GTF2H1: variants seen among roughly 807,000 people sequenced by gnomAD.
GTF2H1 encodes the protein general transcription factor IIH subunit 1, also known as BTF2 p62.
Under a neutral mutation model 71.2 loss-of-function variants are expected in GTF2H1, and 16 were observed. The observed-to-expected ratio is 0.22, with a 90% CI of 0.15 to 0.34. GTF2H1 has a LOEUF of 0.34. Ranked by LOEUF, GTF2H1 falls within the 10% of genes least tolerant of loss-of-function variation. GTF2H1 has a pLI of 1.00. For synonymous variants in GTF2H1, 215 were observed against 219.0 expected, an observed-to-expected ratio of 0.98 and a Z score of 0.16; for missense variants, 498 against 648.2, an observed-to-expected ratio of 0.77 and a Z score of 2.52.
chr11:18,345,203 A>T (rs77569056), intron 7 of GTF2H1, among the ~76,000 whole-genome samples: 59 of 152,212 alleles, frequency 3.9e-4, no homozygotes, highest in South Asian at 8.3e-4. Context: ...AAAAAAATAA[A>T]AATATAAATT....
chr11:18,357,283 CTAAATG>C (rs1865577786), intron 11 of GTF2H1, among the ~76,000 whole-genome samples: 1 of 152,118 alleles, frequency 6.6e-6, no homozygotes, highest in South Asian at 2.1e-4. Flanking sequence ...CAATTTTTTC[CTAAATG>C]TTGATGTTGA....
intron 1 of GTF2H1, among the ~76,000 whole-genome samples, chr11:18,332,436 CTCTT>C (rs1457444777): frequency 6.6e-6 from 1 of 152,188 alleles, no homozygotes; most frequent in Non-Finnish European, 1.5e-5. Flanking sequence ...AGGGACCAGA[CTCTT>C]TCTTAGGTAA....
intron 9 of GTF2H1, chr11:18,351,507 A>G (rs912541384): frequency 2.0e-5 from 3 of 152,906 alleles, no homozygotes; most frequent in Non-Finnish European, 2.9e-5. Context: ...AGTATTTACA[A>G]CATGTAAAAG....
At chr11:18,342,928 G>GTT (rs1166170034) in intron 7 of GTF2H1, among the ~76,000 whole-genome samples, 9 of 151,830 alleles carry the variant, frequency 5.9e-5, no homozygotes, top group Admixed American at 5.9e-4. Flanking sequence ...GTTTTGTTTT[G>GTT]TTCTGTTTTT....
chr11:18,363,746 A>G (rs1437234815), intron 14 of GTF2H1, among the ~76,000 whole-genome samples: 1 of 152,162 alleles, frequency 6.6e-6, no homozygotes, highest in Non-Finnish European at 1.5e-5. Context: ...TGCCTTCTCA[A>G]TTGATTATAA....
At chr11:18,347,018 G>GT (rs1286308166) in intron 7 of GTF2H1, 1 of 150,836 alleles carries the variant, frequency 6.6e-6, no homozygotes, top group Non-Finnish European at 1.5e-5. Context: ...GGGATTACAG[G>GT]TATCCTGACT....
intron 5 of GTF2H1, among the ~76,000 whole-genome samples, chr11:18,340,812 A>G (rs1265763117): frequency 6.6e-6 from 1 of 152,076 alleles, no homozygotes; most frequent in East Asian, 1.9e-4. Context: ...GGAATTTTAA[A>G]CTCAGAGCTC....
At chr11:18,338,487 A>C (rs148141446) in intron 4 of GTF2H1, among the ~76,000 whole-genome samples, 37 of 152,276 alleles carry the variant, frequency 2.4e-4, no homozygotes, top group African/African-American at 8.2e-4. Flanking sequence ...TCTGTCACCC[A>C]GACTGGAGTG....
At chr11:18,342,252 C>CTTTTTTTTTTTTTTTTTTTTTTT (rs71047585) in intron 7 of GTF2H1, among the ~76,000 whole-genome samples, 1 of 72,720 alleles carries the variant, frequency 1.4e-5, no homozygotes, top group Non-Finnish European at 2.5e-5. Context: ...TTTTCTGTCT[C>CTTTTTTTTTTTTTTTTTTTTTTT]TTTTTTTTTT....
intron 14 of GTF2H1, 30 bp from the exon 15 acceptor site, chr11:18,365,753 A>G: frequency 6.7e-7 from 1 of 1,494,670 alleles, no homozygotes; most frequent in Middle Eastern, 1.7e-4. Flanking sequence ...GCTTTTGCCC[A>G]GTTGTTAAGT....
In GTF2H1 at chr11:18,334,793, A is replaced by T. The variant is rs116476387; in HGVS notation, c.155-961A>T. Among the ~76,000 whole-genome samples the T allele has an allele frequency of 2.6e-3, 398 of 152,320 alleles. 2 individuals carry two copies. The highest frequency in any genetic ancestry group is 9.3e-3 in the African/African-American group (388 of 41,576). On this transcript the variant is annotated intron_variant, in intron 2 of 14. Transcript: ENST00000265963. Reference sequence around the variant, plus strand: ...CCTACGTAATATGCCCCACCTAGATATTAGTTATTATTTTGCCATATTTGC... The same window carrying T: ...CCTACGTAATATGCCCCACCTAGATTTTAGTTATTATTTTGCCATATTTGC...
chr11:18,343,669 A>G (rs1416198475), intron 7 of GTF2H1, among the ~76,000 whole-genome samples: 2 of 152,210 alleles, frequency 1.3e-5, no homozygotes, highest in Admixed American at 6.5e-5. Flanking sequence ...CTAGCTGCCT[A>G]CTTGACATCT....
rs138387189 is a variant in GTF2H1, at chr11:18,365,866, G to A, written c.1644G>A (p.Thr548=). Residue 548 remains threonine (T), a synonymous_variant, in exon 15 of 15, where the codon ACG becomes ACA. Transcript: ENST00000265963. ...AGTCACGGCGTCTGATGAAGAAAACGTGAGGTGGCCATGATGCTTACAGGT... is the reference window on the plus strand; with the variant it reads ...AGTCACGGCGTCTGATGAAGAAAACATGAGGTGGCCATGATGCTTACAGGT... ...TWQSRRLMKK[T] is the part of the protein sequence containing the mutation. 1.8e-5 allele frequency: 29 copies of A among 1,609,402 alleles called. No homozygotes were observed. The highest frequency in any genetic ancestry group is 2.3e-5 in the Non-Finnish European group (27 of 1,175,938).
In GTF2H1 at chr11:18,341,861, A is replaced by G. The variant is rs559579636; in HGVS notation, c.837+254A>G. 6 of 330,838 alleles carry G rather than the reference A, an allele frequency of 1.8e-5. No homozygotes were observed. The South Asian group carries it at 2.4e-4, about 13-fold the overall frequency. The allele number at this position is 330,838 out of a possible 1,614,324, so 20.5% of individuals were successfully genotyped here. On this transcript the variant is annotated intron_variant, in intron 7 of 14. Coordinates refer to ENST00000265963, the MANE Select transcript of GTF2H1 (RefSeq NM_005316.4). The stretch of plus-strand genomic sequence containing the variant: ...CTAGCTCCCTCATCCGCAGTTCTCT[A>G]GTAATAATAAAGGCTTAATGTGATG...
chr11:18,344,333 A>AT lies in GTF2H1; in HGVS notation c.837+2727dup, dbSNP rs4150629. Reference sequence around the variant, plus strand: ...TTCTCCCCTAGCAGTAATAATTATAATATAGGCCGGGCGTGGTGGCTCGTG... The same window carrying AT: ...TTCTCCCCTAGCAGTAATAATTATAATTATAGGCCGGGCGTGGTGGCTCGTG... On this transcript the variant is annotated intron_variant, in intron 7 of 14. Transcript: ENST00000265963. 4.8e-3 allele frequency among the ~76,000 whole-genome samples: 734 copies of AT among 152,188 alleles called. 9 individuals carry two copies. Among genetic ancestry groups the AT allele is most frequent in the African/African-American group, 0.017 (707 of 41,538 alleles).
chr11:18,335,861 G>A lies in GTF2H1; in HGVS notation c.262G>A (p.Glu88Lys). Residue 88 changes from glutamate (E) to lysine (K), a missense_variant, in exon 3 of 15, where the codon GAG becomes AAG. Around this residue, in one of 3 missense-constraint regions of GTF2H1, gnomAD observed 216 missense variants for 306.2 expected, o/e 0.71. Coordinates refer to ENST00000265963, the MANE Select transcript of GTF2H1 (RefSeq NM_005316.4). ...HFSNESTAVK[E>K]RDAVKDLLQQ... is the part of the protein sequence containing the mutation. ...TTCCAATGAAAGCACAGCAGTGAAA[G>A]AGCGAGATGCAGTAAAAGACCTTCT... 1 of 1,614,106 alleles carries A rather than the reference G, an allele frequency of 6.2e-7. No individual in the cohort carries two copies. The highest frequency in any genetic ancestry group is 2.2e-5 in the East Asian group (1 of 44,886).
At chr11:18,357,925 G>T in intron 11 of GTF2H1, 27 bp from the exon 12 acceptor site, 1 of 1,405,004 alleles carries the variant, frequency 7.1e-7, no homozygotes. Flanking sequence ...AGGAAAACCA[G>T]TTTTAATGCA....
chr11:18,326,246 G>A (rs1436802509), intron 1 of GTF2H1: 1 of 152,220 alleles, frequency 6.6e-6, no homozygotes, highest in African/African-American at 2.4e-5. Flanking sequence ...TTATGGCTGG[G>A]CGTGGTGGCT....
intron 7 of GTF2H1, among the ~76,000 whole-genome samples, chr11:18,343,859 G>A (rs1338083970): frequency 1.3e-5 from 2 of 151,972 alleles, no homozygotes; most frequent in African/African-American, 4.8e-5. Context: ...TTTTTATGAC[G>A]GGCTCACTCT....
Sources: gnomAD v4.1 joint callset for allele counts (sites outside exome capture counted in the v4.1 genomes callset) on GRCh38, gnomAD v4.1.1 for gene constraint, gnomAD v4.1.1 regional missense constraint, MANE v1.5 for transcripts, NCBI Gene and HGNC (gene_info 2026-07-23, HGNC 2026-07-21) for gene names.